RNF20: variants seen among roughly 807,000 people sequenced by gnomAD.
RNF20 encodes ring finger protein 20.
RNF20 carries 84 observed loss-of-function variants against 126.2 expected under a neutral mutation model. The ratio of observed to expected loss-of-function variants is 0.67; its 90% CI spans 0.56 to 0.80. The LOEUF (loss-of-function observed/expected upper bound fraction) is 0.80. Ranked by LOEUF, RNF20 falls within the 30% of genes least tolerant of loss-of-function variation. The pLI is 0.00. For synonymous variants in RNF20, 400 were observed against 414.3 expected (o/e 0.97, Z 0.42); for missense variants, 869 against 1,188.2 (o/e 0.73, Z 3.95).
chr9:101,545,581 A>G (rs1327587373), intron 6 of RNF20, among the ~76,000 whole-genome samples: 1 of 152,194 alleles, frequency 6.6e-6, no homozygotes, highest in Non-Finnish European at 1.5e-5. Context: ...CTTGTTCTTC[A>G]TATGCCTTTG....
rs767251554 is a variant in RNF20 at position 101,562,272 on chromosome 9, C to T, written c.2778C>T (p.Asn926=). Residue 926 remains asparagine, a synonymous_variant, in exon 20 of 20, where the codon AAC becomes AAT. Coordinates refer to ENST00000389120, the MANE Select transcript of RNF20 (RefSeq NM_019592.7). ...YKARLTCPCC[N]MRKKDAVLTK... ...CACGCTTGACCTGTCCGTGCTGTAA[C>T]ATGCGTAAAAAGGATGCTGTTCTTA... 4.4e-5 allele frequency: 71 copies of T among 1,613,832 alleles called. No homozygotes were observed. Among genetic ancestry groups the T allele is most frequent in the Non-Finnish European group, 5.7e-5 (67 of 1,179,918 alleles).
chr9:101,561,960 C>T lies in RNF20; in HGVS notation c.2700C>T (p.Asp900=). Residue 900 remains aspartate (D), a synonymous_variant, in exon 19 of 20, where the codon GAC becomes GAT. Transcript: ENST00000389120. The part of the protein sequence containing the change: ...RRKLETTKKP[D]NVPKCDEILM... Reference sequence around the variant, plus strand: ...AGCTGGAGACCACAAAGAAACCAGACAATGTACCCAAGTGTGATGAGATTC... The same window carrying T: ...AGCTGGAGACCACAAAGAAACCAGATAATGTACCCAAGTGTGATGAGATTC... 2 of 1,613,636 alleles carry T rather than the reference C, an allele frequency of 1.2e-6. No individual in the cohort carries two copies. Among genetic ancestry groups the T allele is most frequent in the Non-Finnish European group, 1.7e-6 (2 of 1,179,738 alleles).
chr9:101,562,331 T>G lies in RNF20; in HGVS notation c.2837T>G (p.Val946Gly), dbSNP rs1366840686. 1.2e-6 allele frequency: 2 copies of G among 1,613,962 alleles called. No homozygotes were observed. Among genetic ancestry groups the G allele is most frequent in the African/African-American group, 2.7e-5 (2 of 74,922 alleles). The change falls in exon 20 of 20, where the codon GTG (valine) becomes GGG (glycine). Residue 946 changes from valine (V) to glycine (G), a missense_variant. Around this residue, in one of 8 missense-constraint regions of RNF20, gnomAD observed 36 missense variants for 85.6 expected, o/e 0.42. Coordinates refer to ENST00000389120, the MANE Select transcript of RNF20 (RefSeq NM_019592.7). ...KCFHVFCFEC[V>G]KTRYDTRQRK... ...TTTCATGTCTTCTGCTTTGAGTGTGTGAAGACACGCTATGACACCCGCCAG... is the reference window on the plus strand; with the variant it reads ...TTTCATGTCTTCTGCTTTGAGTGTGGGAAGACACGCTATGACACCCGCCAG...
At chr9:101,556,569 G>T (rs1827534878) in intron 15 of RNF20, among the ~76,000 whole-genome samples, 1 of 152,048 alleles carries the variant, frequency 6.6e-6, no homozygotes, top group Non-Finnish European at 1.5e-5. Flanking sequence ...TTTAAAAAAT[G>T]CATCCATCAA....
At chr9:101,554,969 T>G (rs1474017963) in intron 15 of RNF20, 126 bp downstream of exon 15, 2 of 594,144 alleles carry the variant, frequency 3.4e-6, no homozygotes, top group African/African-American at 3.9e-5. Flanking sequence ...TTTTCCTTTT[T>G]GTGTGTGTGT....
At chr9:101,548,829 A>C (rs531760604) in intron 9 of RNF20, among the ~76,000 whole-genome samples, 2 of 152,332 alleles carry the variant, frequency 1.3e-5, no homozygotes, top group East Asian at 3.9e-4. Context: ...AAAATGCATT[A>C]AAGTGGGGCT....
chr9:101,543,831 A>G (rs914824895), intron 5 of RNF20, among the ~76,000 whole-genome samples: 3 of 152,190 alleles, frequency 2.0e-5, no homozygotes, highest in African/African-American at 7.2e-5. Context: ...TTCTGAGCAT[A>G]TTCTTATTTT....
chr9:101,552,891 G>T (rs1035494978), intron 13 of RNF20, 138 bp downstream of exon 13: 3 of 900,478 alleles, frequency 3.3e-6, no homozygotes, highest in Non-Finnish European at 3.3e-6. Flanking sequence ...GTTTCAAGTC[G>T]TGTTCAAGTG....
rs141280569 is a variant in RNF20, at chr9:101,540,257, T to C, written c.184T>C (p.Leu62=). ...QTKNRKLAEM[L]DQRQAIEDEL... is the part of the protein sequence containing the mutation. ...CAAAAATCGCAAGCTGGCAGAAATG[T>C]TGGATCAGCGGCAGGCCATTGAAGA... is the stretch of plus-strand genomic sequence containing the variant. Residue 62 remains leucine (L), a synonymous_variant, in exon 3 of 20, where the codon TTG becomes CTG. Coordinates refer to ENST00000389120, the MANE Select transcript of RNF20 (RefSeq NM_019592.7). 4.5e-5 allele frequency: 72 copies of C among 1,614,070 alleles called. 2 individuals are homozygous for C. In the Middle Eastern group the frequency reaches 2.0e-3, roughly 44 times the overall value.
intron 9 of RNF20, among the ~76,000 whole-genome samples, 190 bp from the exon 10 acceptor site, chr9:101,550,416 A>G (rs1335187574): frequency 6.6e-6 from 1 of 152,232 alleles, no homozygotes; most frequent in Admixed American, 6.5e-5. Context: ...TCCAGGTACC[A>G]TCTCCTAGTT....
At chr9:101,561,781 T>C in intron 18 of RNF20, 129 bp from the exon 19 acceptor site, 2 of 746,062 alleles carry the variant, frequency 2.7e-6, no homozygotes, top group Non-Finnish European at 4.8e-6. Context: ...TCTACATTTC[T>C]ACAAGATAAT....
intron 14 of RNF20, among the ~76,000 whole-genome samples, 173 bp from the exon 15 acceptor site, chr9:101,554,521 G>A (rs567371450): frequency 2.0e-5 from 3 of 152,294 alleles, no homozygotes; most frequent in South Asian, 2.1e-4. Flanking sequence ...GTAGAATGGA[G>A]TGATGTTAAA....
At position 101,562,031 on chromosome 9, in the gene RNF20, T is replaced by A. The variant is rs1476405058; in HGVS notation, c.2751+20T>A. ...TACAAGGTTAGAAAAAATGCCTTAG[T>A]GATTAGTTTTTTGTCAAAGCTTTAA... On this transcript the variant is annotated intron_variant, in intron 19 of 19. Coordinates refer to ENST00000389120, the MANE Select transcript of RNF20 (RefSeq NM_019592.7). The A allele has an allele frequency of 1.3e-6, 2 of 1,553,312 alleles. No homozygotes were observed. Among genetic ancestry groups the A allele is most frequent in the Non-Finnish European group, 1.8e-6 (2 of 1,133,010 alleles).
At chr9:101,536,268 A>G (rs1378411350) in intron 2 of RNF20, among the ~76,000 whole-genome samples, 1 of 152,222 alleles carries the variant, frequency 6.6e-6, no homozygotes, top group Non-Finnish European at 1.5e-5. Context: ...TCAGAAGTTT[A>G]CAGGTTTTGA....
At chr9:101,546,779 T>C (rs762513299) in intron 6 of RNF20, 41 bp from the exon 7 acceptor site, 1 of 1,610,636 alleles carries the variant, frequency 6.2e-7, no homozygotes, top group Non-Finnish European at 8.5e-7. Context: ...ATTTGGTCTT[T>C]TTTTGCTATA....
intron 12 of RNF20, 53 bp downstream of exon 12, chr9:101,552,315 C>T: frequency 6.2e-7 from 1 of 1,612,684 alleles, no homozygotes; most frequent in African/African-American, 1.3e-5. Context: ...CGTAAAGCTG[C>T]TTTTGAATGA....
rs751255981 is a variant in RNF20 at position 101,552,258 on chromosome 9, A to G, written c.1526A>G (p.Asn509Ser). Residue 509 changes from asparagine (N) to serine (S), a missense_variant, in exon 12 of 20, where the codon AAC becomes AGC. This residue lies in a region of RNF20 where 231 missense variants were observed against 263.6 expected (regional missense o/e 0.88). Coordinates refer to ENST00000389120, the MANE Select transcript of RNF20 (RefSeq NM_019592.7). ...TTGAGAGAAGCCCAGTCTGACCTGA[A>G]CAAGGTAACCAGAGGGAATAGAATA... ...RKLREAQSDLNKTRLRSGSAL... is the reference protein window; with the variant it reads ...RKLREAQSDLSKTRLRSGSAL... The G allele has an allele frequency of 1.7e-5, 27 of 1,614,104 alleles. No homozygotes were observed. The highest frequency in any genetic ancestry group is 5.3e-5 in the African/African-American group (4 of 74,946).
At chr9:101,549,240 G>A (rs1564109743) in intron 9 of RNF20, among the ~76,000 whole-genome samples, 1 of 152,186 alleles carries the variant, frequency 6.6e-6, no homozygotes, top group Admixed American at 6.5e-5. Context: ...AGGATAAGGA[G>A]AGCAAGCCAT....
intron 14 of RNF20, 30 bp downstream of exon 14, chr9:101,554,135 T>A: frequency 8.1e-7 from 1 of 1,240,808 alleles, no homozygotes; most frequent in Non-Finnish European, 1.2e-6. Context: ...CCTGTCCTTC[T>A]GGTTAAAATC....
Sources: allele counts gnomAD v4.1 joint callset (sites outside exome capture counted in the v4.1 genomes callset), GRCh38; gene constraint gnomAD v4.1.1; regional missense constraint gnomAD v4.1.1; transcripts MANE v1.5; gene names NCBI Gene and HGNC (gene_info 2026-07-23, HGNC 2026-07-21).